Variants in LRFN2 observed in about 807,000 individuals in gnomAD.
The protein encoded by LRFN2 is leucine rich repeat and fibronectin type III domain containing 2.
In LRFN2, 18 loss-of-function variants were observed where a neutral mutation model predicts 37.3. That is an observed-to-expected ratio of 0.48 (90% confidence interval 0.33 to 0.72). The LOEUF (loss-of-function observed/expected upper bound fraction) is 0.72, where lower values mean the gene tolerates loss of function less well. Among genes scored for constraint, LRFN2 ranks in the 30% least tolerant of loss-of-function variants. The pLI, the probability that LRFN2 is intolerant of heterozygous loss-of-function variation, is 0.02. For synonymous variants in LRFN2, 556 were observed against 466.6 expected (o/e 1.19, Z -2.47); for missense variants, 1,006 against 1,060.7 (o/e 0.95, Z 0.72).
In LRFN2 at chr6:40,435,052, T is replaced by TATAGAG. The variant is rs1482968698; in HGVS notation, c.-18-1922_-18-1921insCTCTAT. ...ATATATATATATATATATATATATA[T>TATAGAG]AGAGAGAGAGAGAGAGAGAGAGAGA... On this transcript the variant is annotated intron_variant, in intron 1 of 2. Coordinates refer to ENST00000338305, the MANE Select transcript of LRFN2 (RefSeq NM_020737.3). Among the ~76,000 whole-genome samples, 121 of 37,516 alleles carry TATAGAG rather than the reference T, an allele frequency of 3.2e-3. 1 individual carries two copies. Among genetic ancestry groups the TATAGAG allele is most frequent in the East Asian group, 6.1e-3 (7 of 1,146 alleles). The allele number at this position is 37,516 out of a possible 152,430, so 24.6% of individuals were successfully genotyped here.
chr6:40,417,268 C>T (rs1284271809), intron 2 of LRFN2, among the ~76,000 whole-genome samples: 4 of 152,134 alleles, frequency 2.6e-5, no homozygotes, highest in African/African-American at 4.8e-5. Context: ...TGCCGGCTGC[C>T]GCTGCTGCCA....
At chr6:40,515,384 A>G (rs1765835151) in intron 1 of LRFN2, among the ~76,000 whole-genome samples, 1 of 152,222 alleles carries the variant, frequency 6.6e-6, no homozygotes, top group Non-Finnish European at 1.5e-5. Flanking sequence ...GTTCAGTGAG[A>G]TTTGGTATAA....
chr6:40,563,228 CCT>C (rs1038415374), intron 1 of LRFN2, among the ~76,000 whole-genome samples: 11 of 152,140 alleles, frequency 7.2e-5, no homozygotes, highest in African/African-American at 2.7e-4. Context: ...GAAATATCTG[CCT>C]CTCTGCATCC....
In LRFN2 at chr6:40,431,890, T is replaced by G; in HGVS notation, c.1224A>C (p.Gly408=). Residue 408 remains glycine, a synonymous_variant, in exon 2 of 3, where the codon GGA becomes GGC. Transcript: ENST00000338305. ...DITGSSKTSR[G]GGGSGGGEPP... The stretch of plus-strand genomic sequence containing the variant: ...GCTCTCCGCCCCCACTGCCTCCACC[T>G]CCCCGGCTGGTCTTGCTGGAGCCAG... The G allele has an allele frequency of 1.2e-6, 2 of 1,609,130 alleles. No individual in the cohort carries two copies. Among genetic ancestry groups the G allele is most frequent in the Non-Finnish European group, 1.7e-6 (2 of 1,176,926 alleles).
intron 1 of LRFN2, among the ~76,000 whole-genome samples, chr6:40,437,012 A>G (rs1038369770): frequency 6.6e-6 from 1 of 151,960 alleles, no homozygotes; most frequent in African/African-American, 2.4e-5. Context: ...GTGTGTGTGT[A>G]TGTGTATGGG....
At chr6:40,453,513 A>AAC (rs5875719) in intron 1 of LRFN2, among the ~76,000 whole-genome samples, 1,757 of 119,766 alleles carry the variant, frequency 0.015, 24 homozygotes, top group Middle Eastern at 0.05. Context: ...CCCCAAGCCA[A>AAC]ACACACACAC....
chr6:40,534,929 A>G (rs980856735), intron 1 of LRFN2, among the ~76,000 whole-genome samples: 1 of 152,222 alleles, frequency 6.6e-6, no homozygotes, highest in Admixed American at 6.5e-5. Context: ...GAGGCGCCTG[A>G]GGCTCAGAAA....
At chr6:40,467,369 T>G (rs933331035) in intron 1 of LRFN2, among the ~76,000 whole-genome samples, 2 of 152,088 alleles carry the variant, frequency 1.3e-5, no homozygotes, top group Non-Finnish European at 2.9e-5. Context: ...GAGGCTGGAC[T>G]CAGCCTGCAG....
rs951141414 is a variant in LRFN2 at position 40,431,803 on chromosome 6, C to T, written c.1311G>A (p.Leu437=). Residue 437 remains leucine (L), a synonymous_variant, in exon 2 of 3, where the codon CTG becomes CTA. Transcript: ENST00000338305. ...LVSEVTTTSA[L]VKWSVSKSAP... is the part of the protein sequence containing the mutation. ...CTGACTTGCTGACAGACCACTTGAC[C>T]AGGGCCGAGGTGGTGGTCACTTCAG... 1.3e-6 allele frequency: 2 copies of T among 1,544,156 alleles called. No individual in the cohort carries two copies. The highest frequency in any genetic ancestry group is 1.4e-5 in the African/African-American group (1 of 73,310).
intron 1 of LRFN2, among the ~76,000 whole-genome samples, chr6:40,437,010 G>T (rs1763695760): frequency 6.6e-6 from 1 of 152,124 alleles, no homozygotes; most frequent in African/African-American, 2.4e-5. Flanking sequence ...GTGTGTGTGT[G>T]TATGTGTATG....
intron 1 of LRFN2, among the ~76,000 whole-genome samples, chr6:40,478,854 G>A (rs1764764314): frequency 6.6e-6 from 1 of 152,210 alleles, no homozygotes; most frequent in Non-Finnish European, 1.5e-5. Context: ...ACCAGCTAGT[G>A]GTTTTGGCTA....
At chr6:40,437,084 A>G (rs1188757774) in intron 1 of LRFN2, among the ~76,000 whole-genome samples, 2 of 152,190 alleles carry the variant, frequency 1.3e-5, no homozygotes, top group Middle Eastern at 3.4e-3. Context: ...CAGTAAATGC[A>G]TCAGTGTTCT....
intron 1 of LRFN2, among the ~76,000 whole-genome samples, chr6:40,466,257 G>C (rs954509641): frequency 6.6e-6 from 1 of 152,210 alleles, no homozygotes; most frequent in Admixed American, 6.5e-5. Context: ...GGAGCAGGCA[G>C]CAAGGATAAA....
chr6:40,448,436 T>G (rs1764025279), intron 1 of LRFN2, among the ~76,000 whole-genome samples: 1 of 151,870 alleles, frequency 6.6e-6, no homozygotes, highest in South Asian at 2.1e-4. Context: ...AAAGTAATAA[T>G]GATACCCCAT....
intron 2 of LRFN2, among the ~76,000 whole-genome samples, chr6:40,410,827 G>T (rs925955964): frequency 1.6e-4 from 24 of 152,220 alleles, no homozygotes; most frequent in Admixed American, 1.3e-4. Flanking sequence ...TATGGGATTT[G>T]TTCATTAGCC....
intron 2 of LRFN2, among the ~76,000 whole-genome samples, chr6:40,411,484 G>A (rs74826460): frequency 0.16 from 23,898 of 152,210 alleles, 2,400 homozygotes; most frequent in African/African-American, 0.28. Flanking sequence ...TGCACAGGTC[G>A]GGTGAACACT....
chr6:40,568,854 T>C (rs905892922), intron 1 of LRFN2, among the ~76,000 whole-genome samples: 15 of 152,288 alleles, frequency 9.8e-5, no homozygotes, highest in African/African-American at 3.6e-4. Context: ...CCCGAGTAGC[T>C]GGGATTACAG....
chr6:40,525,535 T>C (rs1171417348), intron 1 of LRFN2, among the ~76,000 whole-genome samples: 1 of 152,214 alleles, frequency 6.6e-6, no homozygotes, highest in African/African-American at 2.4e-5. Flanking sequence ...ATGTAAATAA[T>C]GCAATCTCTC....
rs562070658 is a variant in LRFN2 at position 40,487,052 on chromosome 6, A to G, written c.-18-53921T>C. Among the ~76,000 whole-genome samples, 11 of 152,182 alleles carry G rather than the reference A, an allele frequency of 7.2e-5. No homozygotes were observed. The South Asian group carries it at 2.3e-3, about 32-fold the overall frequency. The stretch of plus-strand genomic sequence containing the variant: ...ATACCTGGGAGGGGATGGCGTTGGG[A>G]TCCTGATTCAATCTGTGTTCTTTCT... On this transcript the variant is annotated intron_variant, in intron 1 of 2. Coordinates refer to ENST00000338305, the MANE Select transcript of LRFN2 (RefSeq NM_020737.3).
Sources: gnomAD v4.1 joint callset for allele counts (sites outside exome capture counted in the v4.1 genomes callset) on GRCh38, gnomAD v4.1.1 for gene constraint, MANE v1.5 for transcripts, NCBI Gene and HGNC (gene_info 2026-07-23, HGNC 2026-07-21) for gene names.